Variants in GNG12 observed in about 807,000 individuals in gnomAD.
GNG12 encodes G protein subunit gamma 12.
For synonymous variants in GNG12, 28 were observed against 29.7 expected (o/e 0.94, Z 0.19); for missense variants, 69 against 83.8 (o/e 0.82, Z 0.69).
chr1:67,733,679 T>A (rs1289595298), intron 2 of GNG12, among the ~76,000 whole-genome samples: 2 of 152,222 alleles, frequency 1.3e-5, no homozygotes, highest in Non-Finnish European at 2.9e-5. Context: ...TTTGTAAATT[T>A]CTGCAATTTC....
chr1:67,792,454 T>C (rs72924713), intron 1 of GNG12, among the ~76,000 whole-genome samples: 2,907 of 152,308 alleles, frequency 0.019, 96 homozygotes, highest in African/African-American at 0.066. Flanking sequence ...TACGTATGCC[T>C]TACCCCCTAG....
chr1:67,799,573 C>T (rs1335996749), intron 1 of GNG12, among the ~76,000 whole-genome samples: 2 of 152,150 alleles, frequency 1.3e-5, no homozygotes, highest in Non-Finnish European at 2.9e-5. Flanking sequence ...GCAACTAGAA[C>T]TGTTTACAGA....
At chr1:67,736,941 T>C (rs1646455846) in intron 2 of GNG12, among the ~76,000 whole-genome samples, 1 of 152,238 alleles carries the variant, frequency 6.6e-6, no homozygotes, top group Non-Finnish European at 1.5e-5. Context: ...TATCTCATTT[T>C]GCAGATGTGT....
chr1:67,753,422 G>A (rs966398205), intron 2 of GNG12, among the ~76,000 whole-genome samples: 2 of 151,392 alleles, frequency 1.3e-5, no homozygotes, highest in Non-Finnish European at 2.9e-5. Context: ...TTCTCAATCT[G>A]TACTTGCTGA....
chr1:67,823,742 T>C (rs1007455430), intron 1 of GNG12, among the ~76,000 whole-genome samples: 2 of 152,212 alleles, frequency 1.3e-5, no homozygotes, highest in Non-Finnish European at 2.9e-5. Context: ...TGGTTCAATC[T>C]TTCCGGAGGG....
At chr1:67,758,406 C>T (rs1447781707) in intron 2 of GNG12, among the ~76,000 whole-genome samples, 2 of 152,194 alleles carry the variant, frequency 1.3e-5, no homozygotes, top group East Asian at 1.9e-4. Flanking sequence ...CCTAGTATTT[C>T]GCCATGACGA....
chr1:67,736,293 A>AC (rs1449246838), intron 2 of GNG12, among the ~76,000 whole-genome samples: 1 of 152,040 alleles, frequency 6.6e-6, no homozygotes, highest in African/African-American at 2.4e-5. Flanking sequence ...CCAAAGCAAA[A>AC]CAAAAATCCC....
intron 1 of GNG12, among the ~76,000 whole-genome samples, chr1:67,803,567 G>A (rs2100799961): frequency 6.6e-6 from 1 of 152,316 alleles, no homozygotes; most frequent in East Asian, 1.9e-4. Context: ...TGAGCCTCCT[G>A]TGCCATATCT....
At chr1:67,797,778 A>G (rs1173770231) in intron 1 of GNG12, among the ~76,000 whole-genome samples, 2 of 152,200 alleles carry the variant, frequency 1.3e-5, no homozygotes, top group African/African-American at 2.4e-5. Context: ...CGACATACCC[A>G]TATCATGGCG....
intron 1 of GNG12, among the ~76,000 whole-genome samples, chr1:67,791,371 G>C (rs557334000): frequency 1.3e-5 from 2 of 152,044 alleles, no homozygotes; most frequent in Non-Finnish European, 2.9e-5. Context: ...TCTATCTCCA[G>C]TCTCAGCTTG....
In GNG12 at chr1:67,730,839, G is replaced by A. The variant is rs539223275; in HGVS notation, c.-26-23127C>T. 4.6e-5 allele frequency among the ~76,000 whole-genome samples: 7 copies of A among 152,200 alleles called. No homozygotes were observed. The South Asian group carries it at 1.2e-3, about 27-fold the overall frequency. ...GGGGCCCAGGAACCCTTTTCAATACGGCTGTAATCTATTGTTTCAGAGTAC... is the reference window on the plus strand; with the variant it reads ...GGGGCCCAGGAACCCTTTTCAATACAGCTGTAATCTATTGTTTCAGAGTAC... On this transcript the variant is annotated intron_variant, in intron 2 of 3. Transcript: ENST00000370982.
rs181001836 is a variant in GNG12, at chr1:67,765,609, C to A, written c.-27+11849G>T. Among the ~76,000 whole-genome samples, 180 of 152,198 alleles carry A rather than the reference C, an allele frequency of 1.2e-3. 1 individual carries two copies. Among genetic ancestry groups the A allele is most frequent in the African/African-American group, 4.2e-3 (174 of 41,524 alleles). On this transcript the variant is annotated intron_variant, in intron 2 of 3. Transcript: ENST00000370982. ...CATAGAAAGGTTTGTATATTTCAAC[C>A]CTTATTCTTCTGCCTGTTTTGCATT...
intron 1 of GNG12, among the ~76,000 whole-genome samples, chr1:67,811,663 G>A (rs1302696874): frequency 6.6e-6 from 1 of 152,088 alleles, no homozygotes; most frequent in Non-Finnish European, 1.5e-5. Context: ...ATGTTACACT[G>A]CCTGTTGCCC....
chr1:67,790,754 C>T (rs557132237), intron 1 of GNG12, among the ~76,000 whole-genome samples: 4 of 152,038 alleles, frequency 2.6e-5, no homozygotes, highest in East Asian at 3.9e-4. Flanking sequence ...GGATTACAGG[C>T]GTGTGCCGCC....
chr1:67,830,330 T>C (rs1324070052), intron 1 of GNG12, among the ~76,000 whole-genome samples: 1 of 152,194 alleles, frequency 6.6e-6, no homozygotes, highest in African/African-American at 2.4e-5. Context: ...AAAAATTTTT[T>C]AGATTTTAGG....
intron 1 of GNG12, among the ~76,000 whole-genome samples, chr1:67,780,005 T>C (rs1646728397): frequency 6.6e-6 from 1 of 152,206 alleles, no homozygotes; most frequent in Non-Finnish European, 1.5e-5. Flanking sequence ...AAATAGGTTG[T>C]TTTGTTTAAA....
At chr1:67,754,876 C>G (rs1449448786) in intron 2 of GNG12, among the ~76,000 whole-genome samples, 1 of 152,198 alleles carries the variant, frequency 6.6e-6, no homozygotes, top group Non-Finnish European at 1.5e-5. Context: ...AGCCATCTAA[C>G]TCCCTCCTCT....
In GNG12 at chr1:67,704,598, G is replaced by A. The variant is rs1296209737; in HGVS notation, c.*853C>T. The A allele has an allele frequency of 6.6e-6, 1 of 152,620 alleles. No individual in the cohort carries two copies. Among genetic ancestry groups the A allele is most frequent in the Non-Finnish European group, 1.5e-5 (1 of 68,052 alleles). 9.5% of individuals were successfully genotyped at this position (152,620 alleles called of 1,614,324 possible). A position where few individuals can be genotyped will look rare whatever the true frequency, so the allele number is the denominator to read the frequency against. ...CTATCCCTAATCCAGTAGAGAACAT[G>A]AGCCCTGGGAGCACAGCTGCCTGGA... On this transcript the variant is annotated 3_prime_UTR_variant, in exon 4 of 4. Coordinates refer to ENST00000370982, the MANE Select transcript of GNG12 (RefSeq NM_018841.6).
chr1:67,746,316 AAGAAACG>A (rs1646507053), intron 2 of GNG12, among the ~76,000 whole-genome samples: 1 of 152,248 alleles, frequency 6.6e-6, no homozygotes, highest in Non-Finnish European at 1.5e-5. Context: ...TGCAAGAATA[AAGAAACG>A]TTTCTCTTCC....
Sources: gnomAD v4.1 joint callset for allele counts (sites outside exome capture counted in the v4.1 genomes callset) on GRCh38, gnomAD v4.1.1 for gene constraint, MANE v1.5 for transcripts, NCBI Gene and HGNC (gene_info 2026-07-23, HGNC 2026-07-21) for gene names.